DNM2: variants seen among roughly 807,000 people sequenced by gnomAD.
The protein encoded by DNM2 is dynamin 2.
DNM2 carries 15 observed loss-of-function variants against 99.0 expected under a neutral mutation model. The ratio of observed to expected loss-of-function variants is 0.15; its 90% CI spans 0.10 to 0.23. DNM2 has a LOEUF of 0.23. Among genes scored for constraint, DNM2 ranks in the 10% least tolerant of loss-of-function variants. The pLI, the probability that DNM2 is intolerant of heterozygous loss-of-function variation, is 1.00. For synonymous variants in DNM2, 525 were observed against 481.2 expected, an observed-to-expected ratio of 1.09 and a Z score of -1.19; for missense variants, 742 against 1,189.4, an observed-to-expected ratio of 0.62 and a Z score of 5.53.
At chr19:10,801,361 T>G (rs2072134552) in intron 11 of DNM2, among the ~76,000 whole-genome samples, 1 of 152,122 alleles carries the variant, frequency 6.6e-6, no homozygotes, top group South Asian at 2.1e-4. Flanking sequence ...GGTTCACACC[T>G]GTAATCCCAG....
At chr19:10,815,996 C>A (rs185871807) in intron 15 of DNM2, among the ~76,000 whole-genome samples, 67 of 152,246 alleles carry the variant, frequency 4.4e-4, no homozygotes, top group African/African-American at 1.4e-3. Flanking sequence ...CCCACTGAGG[C>A]CACACCTGAG....
At chr19:10,752,826 A>G (rs2070243413) in intron 1 of DNM2, among the ~76,000 whole-genome samples, 1 of 152,202 alleles carries the variant, frequency 6.6e-6, no homozygotes, top group African/African-American at 2.4e-5. Flanking sequence ...TGGACACCAT[A>G]GTGAGACCTT....
intron 11 of DNM2, 71 bp downstream of exon 11, chr19:10,798,643 A>G (rs1374089656): frequency 1.7e-5 from 27 of 1,570,026 alleles, no homozygotes; most frequent in Non-Finnish European, 2.0e-5. Context: ...TGTTCTGTGC[A>G]TGCTGACAGC....
At chr19:10,730,911 G>A (rs1052646018) in intron 1 of DNM2, among the ~76,000 whole-genome samples, 9 of 152,184 alleles carry the variant, frequency 5.9e-5, no homozygotes, top group Non-Finnish European at 1.3e-4. Context: ...ATCTGAACAC[G>A]CTCCCATGGC....
rs1189216156 is a variant in DNM2, at chr19:10,795,407, C to A, written c.1164C>A (p.Ile388=). The A allele has an allele frequency of 5.6e-6, 9 of 1,614,146 alleles. No individual in the cohort carries two copies. The highest frequency in any genetic ancestry group is 7.6e-6 in the Non-Finnish European group (9 of 1,180,022). Reference sequence around the variant, plus strand: ...ACGAGAAGGACTTACGACGGGAGATCAGCTATGCCATTAAGAACATCCATG... The same window carrying A: ...ACGAGAAGGACTTACGACGGGAGATAAGCTATGCCATTAAGAACATCCATG... ...EFDEKDLRRE[I]SYAIKNIHGV... Residue 388 remains isoleucine (I), a synonymous_variant, in exon 9 of 21, where the codon ATC becomes ATA. Coordinates refer to ENST00000389253, the MANE Select transcript of DNM2 (RefSeq NM_001005361.3). The surrounding 1 kb of genome is among the most constrained non-coding windows in gnomAD (Gnocchi z 4.2).
chr19:10,796,115 C>G lies in DNM2; in HGVS notation c.1196+676C>G, dbSNP rs115439545. ...TCGAGGCCATTGTGAAAAAGCAGGTCGTCAAGCTGAAAGAGCCCTGTCTGA... is the reference window on the plus strand; with the variant it reads ...TCGAGGCCATTGTGAAAAAGCAGGTGGTCAAGCTGAAAGAGCCCTGTCTGA... On this transcript the variant is annotated intron_variant, in intron 9 of 20. Coordinates refer to ENST00000389253, the MANE Select transcript of DNM2 (RefSeq NM_001005361.3). This position sits in a 1 kb window ranked among gnomAD's most constrained non-coding sequence, Gnocchi z 5.6. 8.1e-6 allele frequency: 13 copies of G among 1,614,110 alleles called. No individual in the cohort carries two copies. The highest frequency in any genetic ancestry group is 1.1e-5 in the Non-Finnish European group (13 of 1,180,028).
At chr19:10,759,906 G>T (rs1437029311) in intron 2 of DNM2, 95 bp downstream of exon 2, 6 of 1,512,342 alleles carry the variant, frequency 4.0e-6, no homozygotes, top group Non-Finnish European at 5.5e-6. Context: ...TGGGTCCTGG[G>T]CTGTCATTGG....
intron 6 of DNM2, among the ~76,000 whole-genome samples, chr19:10,784,921 T>G (rs1308498826): frequency 1.4e-5 from 2 of 147,256 alleles, no homozygotes; most frequent in Non-Finnish European, 3.0e-5. Flanking sequence ...CCTCCCAGGT[T>G]CAAGTGATTC....
At chr19:10,783,777 T>C (rs1460357480) in intron 6 of DNM2, among the ~76,000 whole-genome samples, 1 of 151,792 alleles carries the variant, frequency 6.6e-6, no homozygotes, top group Non-Finnish European at 1.5e-5. Context: ...CTTGGCTCAC[T>C]GCAACCTCCA....
Position 10,783,016 on chromosome 19 carries a change from C to T in DNM2, c.745C>T (p.Arg249Cys), listed in dbSNP as rs2071430019. 3 of 1,614,176 alleles carry T rather than the reference C, an allele frequency of 1.9e-6. No homozygotes were observed. Among genetic ancestry groups the T allele is most frequent in the South Asian group, 1.1e-5 (1 of 91,090 alleles). Reference protein sequence around the residue: ...QKDIEGKKDIRAALAAERKFF... With the variant: ...QKDIEGKKDICAALAAERKFF... ...GGATATTGAGGGCAAGAAGGACATCCGTGCAGCACTGGCAGCTGAGAGGAA... is the reference window on the plus strand; with the variant it reads ...GGATATTGAGGGCAAGAAGGACATCTGTGCAGCACTGGCAGCTGAGAGGAA... The change falls in exon 6 of 21, where the codon CGT (arginine) becomes TGT (cysteine). Residue 249 changes from arginine (R) to cysteine (C), a missense_variant. Coordinates refer to ENST00000389253, the MANE Select transcript of DNM2 (RefSeq NM_001005361.3).
At chr19:10,759,331 T>C (rs2070536357) in intron 1 of DNM2, among the ~76,000 whole-genome samples, 1 of 152,228 alleles carries the variant, frequency 6.6e-6, no homozygotes, top group Non-Finnish European at 1.5e-5. Context: ...TTTCTGGACA[T>C]GAAACACATC....
chr19:10,762,004 C>G (rs544631465), intron 2 of DNM2, among the ~76,000 whole-genome samples: 1 of 152,310 alleles, frequency 6.6e-6, no homozygotes, highest in African/African-American at 2.4e-5. Context: ...TTCTGTTTCT[C>G]ATTGAGCAGG....
intron 2 of DNM2, among the ~76,000 whole-genome samples, chr19:10,771,968 C>T (rs1037519678): frequency 2.0e-5 from 3 of 152,116 alleles, no homozygotes; most frequent in Non-Finnish European, 4.4e-5. Context: ...CTATAGGAAC[C>T]CCCGCCTCCC....
chr19:10,746,994 C>T (rs921855818), intron 1 of DNM2, among the ~76,000 whole-genome samples: 6 of 151,678 alleles, frequency 4.0e-5, no homozygotes, highest in Non-Finnish European at 8.8e-5. Flanking sequence ...GCCTCGGCCC[C>T]GCAAAGTGCT....
At chr19:10,729,368 A>G (rs953294665) in intron 1 of DNM2, among the ~76,000 whole-genome samples, 1 of 152,028 alleles carries the variant, frequency 6.6e-6, no homozygotes, top group African/African-American at 2.4e-5. Flanking sequence ...CAAAAAAAAC[A>G]AAAATAAAAA....
rs552379579 is a variant in DNM2 at position 10,764,499 on chromosome 19, C to T, written c.235+4688C>T. Among the ~76,000 whole-genome samples, 23 of 152,328 alleles carry T rather than the reference C, an allele frequency of 1.5e-4. No homozygotes were observed. Among genetic ancestry groups the T allele is most frequent in the African/African-American group, 5.1e-4 (21 of 41,578 alleles). ...GGCCCATGAGTGAACCCTGCCCTCA[C>T]TGGGAAGCAGCCCCGTAAACTCTGA... On this transcript the variant is annotated intron_variant, in intron 2 of 20. Coordinates refer to ENST00000389253, the MANE Select transcript of DNM2 (RefSeq NM_001005361.3). This position sits in a 1 kb window ranked among gnomAD's most constrained non-coding sequence, Gnocchi z 4.1.
intron 7 of DNM2, among the ~76,000 whole-genome samples, chr19:10,788,007 G>A (rs1434531396): frequency 2.0e-5 from 3 of 149,692 alleles, no homozygotes; most frequent in Non-Finnish European, 3.0e-5. Context: ...CGAGGCGGGA[G>A]GATCACTTGA....
intron 1 of DNM2, among the ~76,000 whole-genome samples, chr19:10,724,962 C>T (rs2069065010): frequency 6.6e-6 from 1 of 152,218 alleles, no homozygotes; most frequent in Non-Finnish European, 1.5e-5. Context: ...ACTGCCTGTG[C>T]CTCAGTGGGT....
intron 3 of DNM2, among the ~76,000 whole-genome samples, chr19:10,774,608 T>C (rs1205187260): frequency 6.6e-6 from 1 of 152,058 alleles, no homozygotes; most frequent in Non-Finnish European, 1.5e-5. Context: ...GTATTTTTAG[T>C]AGAGACGGGG....
Sources: allele counts gnomAD v4.1 joint callset (sites outside exome capture counted in the v4.1 genomes callset), GRCh38; gene constraint gnomAD v4.1.1; non-coding constraint Gnocchi (gnomAD v3.1); transcripts MANE v1.5; gene names NCBI Gene and HGNC (gene_info 2026-07-23, HGNC 2026-07-21).